The following CIMAP2 variants were observed in gnomAD, a reference collection of about 807,000 sequenced individuals.
CIMAP2 encodes ciliary microtubule-associated protein 2.
chr1:54,824,430 T>C, the CIMAP2 span, among the ~76,000 whole-genome samples: 1 of 152,310 alleles, frequency 6.6e-6, no homozygotes, highest in East Asian at 1.9e-4. Context: ...TAGGTGTCTA[T>C]ATCTTTTGCA....
the CIMAP2 span, chr1:54,812,159 G>A: frequency 3.7e-6 from 6 of 1,614,250 alleles, no homozygotes; most frequent in Middle Eastern, 1.6e-4. Flanking sequence ...ATCGGAGCAA[G>A]CCACTGCCTT....
At chr1:54,811,765 G>GCGGGGGGGGGGCCCCCCCCCCCC in the CIMAP2 span, 2 of 1,301,324 alleles carry the variant, frequency 1.5e-6, no homozygotes, top group Non-Finnish European at 2.2e-6. Context: ...GGTTCTGACA[G>GCGGGGGGGGGGCCCCCCCCCCCC]CCTCCATGCC....
the CIMAP2 span, chr1:54,811,756 G>T: frequency 7.4e-7 from 1 of 1,344,034 alleles, no homozygotes; most frequent in Non-Finnish European, 1.0e-6. Flanking sequence ...ACAAGGAGTG[G>T]TTCTGACAGC....
chr1:54,810,772 A>C, the CIMAP2 span, among the ~76,000 whole-genome samples: 1 of 152,224 alleles, frequency 6.6e-6, no homozygotes, highest in Non-Finnish European at 1.5e-5. Flanking sequence ...CCCAGGTCCC[A>C]GATGGTCATT....
the CIMAP2 span, chr1:54,807,615 G>A: frequency 6.2e-7 from 1 of 1,610,574 alleles, no homozygotes; most frequent in Non-Finnish European, 8.5e-7. Flanking sequence ...GCTGGGCCAA[G>A]GCCCAGGAAG....
the CIMAP2 span, among the ~76,000 whole-genome samples, chr1:54,825,105 A>G: frequency 7.9e-6 from 1 of 126,000 alleles, no homozygotes; most frequent in South Asian, 2.6e-4. Context: ...GCTGGAGTGC[A>G]GTGGCCCTGA....
At chr1:54,806,952 G>C in the CIMAP2 span, 1 of 1,554,818 alleles carries the variant, frequency 6.4e-7, no homozygotes, top group South Asian at 1.1e-5. Flanking sequence ...GCCAGGGCCA[G>C]GTGCCAGGCA....
chr1:54,826,488 G>C, the CIMAP2 span, among the ~76,000 whole-genome samples: 2 of 152,200 alleles, frequency 1.3e-5, no homozygotes, highest in Admixed American at 6.5e-5. Flanking sequence ...AGGGCTCCAG[G>C]GCAAGATGTA....
chr1:54,839,791 C>T, the CIMAP2 span, among the ~76,000 whole-genome samples: 7 of 152,198 alleles, frequency 4.6e-5, no homozygotes, highest in South Asian at 2.1e-4. Context: ...CACTCTGTCA[C>T]CCAAGCTAGA....
chr1:54,834,421 T>C, the CIMAP2 span, among the ~76,000 whole-genome samples: 1 of 152,244 alleles, frequency 6.6e-6, no homozygotes. Flanking sequence ...CTTGTCTGAT[T>C]TGGCAGAAGT....
chr1:54,821,886 C>CT, the CIMAP2 span, among the ~76,000 whole-genome samples: 6,302 of 66,472 alleles, frequency 0.095, 1,760 homozygotes, highest in Non-Finnish European at 0.12. Flanking sequence ...CCTCTTATTT[C>CT]TTTTTTTTTT....
the CIMAP2 span, chr1:54,811,765 G>GCCGGGGGGGGGGCGCCCGCCCC: frequency 7.7e-7 from 1 of 1,301,332 alleles, no homozygotes; most frequent in Non-Finnish European, 1.1e-6. Flanking sequence ...GGTTCTGACA[G>GCCGGGGGGGGGGCGCCCGCCCC]CCTCCATGCC....
At chr1:54,828,983 A>G in the CIMAP2 span, among the ~76,000 whole-genome samples, 138 of 152,346 alleles carry the variant, frequency 9.1e-4, 2 homozygotes, top group African/African-American at 3.1e-3. Context: ...ACATTTTAAG[A>G]TAGAAGAATA....
At chr1:54,811,824 G>A in the CIMAP2 span, 3 of 1,510,392 alleles carry the variant, frequency 2.0e-6, no homozygotes, top group South Asian at 3.4e-5. Context: ...AAATTATGGG[G>A]AGAAGGGTAA....
the CIMAP2 span, among the ~76,000 whole-genome samples, chr1:54,828,403 C>T: frequency 6.6e-6 from 1 of 152,268 alleles, no homozygotes; most frequent in East Asian, 1.9e-4. Flanking sequence ...ATGATCATGG[C>T]TCATTGTAGC....
the CIMAP2 span, among the ~76,000 whole-genome samples, chr1:54,828,858 C>T: frequency 6.6e-6 from 1 of 152,106 alleles, no homozygotes; most frequent in Non-Finnish European, 1.5e-5. Flanking sequence ...AATATTAAAT[C>T]TTCCCAGTGA....
At chr1:54,806,156 A>G in the CIMAP2 span, 4 of 1,550,502 alleles carry the variant, frequency 2.6e-6, no homozygotes, top group Middle Eastern at 1.7e-4. Context: ...TCATGGCTGG[A>G]ACCGCGTCGG....
At chr1:54,818,477 A>C in the CIMAP2 span, among the ~76,000 whole-genome samples, 3 of 151,082 alleles carry the variant, frequency 2.0e-5, no homozygotes, top group Non-Finnish European at 4.4e-5. Context: ...CTATTATTTT[A>C]AAAATTTTGG....
At chr1:54,823,739 C>T in the CIMAP2 span, among the ~76,000 whole-genome samples, 3 of 152,076 alleles carry the variant, frequency 2.0e-5, no homozygotes, top group Middle Eastern at 3.2e-3. Context: ...TTTGCCCTAC[C>T]AGGGAGCTTA....
Sources: gnomAD v4.1 joint callset for allele counts (sites outside exome capture counted in the v4.1 genomes callset) on GRCh38, gnomAD v4.1.1 for gene constraint, MANE v1.5 for transcripts, NCBI Gene and HGNC (gene_info 2026-07-23, HGNC 2026-07-21) for gene names.